Variants in XNDC1N observed in about 807,000 individuals in gnomAD.
XNDC1N encodes the protein XRCC1 N-terminal domain containing 1, N-terminal like, also known as protein XNDC1N.
the XNDC1N span, chr11:71,917,661 C>T: frequency 1.4e-5 from 10 of 703,298 alleles, no homozygotes; most frequent in African/African-American, 1.4e-4. Context: ...TCTTCCCCTG[C>T]TTTGAATCAG....
At chr11:71,886,523 C>T in the XNDC1N span, among the ~76,000 whole-genome samples, 7 of 151,986 alleles carry the variant, frequency 4.6e-5, no homozygotes, top group African/African-American at 1.4e-4. Flanking sequence ...AGGCCACAAA[C>T]GTTAACAAGC....
At chr11:71,898,016 CT>C in the XNDC1N span, among the ~76,000 whole-genome samples, 1 of 152,078 alleles carries the variant, frequency 6.6e-6, no homozygotes, top group Non-Finnish European at 1.5e-5. Flanking sequence ...AACCCTGTCT[CT>C]ACTGAAAATG....
chr11:71,898,028 C>A, the XNDC1N span, among the ~76,000 whole-genome samples: 1 of 152,054 alleles, frequency 6.6e-6, no homozygotes, highest in East Asian at 1.9e-4. Context: ...ACTGAAAATG[C>A]AAAAAATGAA....
the XNDC1N span, chr11:71,928,434 A>G: frequency 8.5e-6 from 6 of 701,952 alleles, no homozygotes; most frequent in South Asian, 7.4e-5. Context: ...TCTCCCGCCA[A>G]TTCGGCCTTC....
chr11:71,897,892 A>G, the XNDC1N span, among the ~76,000 whole-genome samples: 1 of 152,260 alleles, frequency 6.6e-6, no homozygotes, highest in African/African-American at 2.4e-5. Flanking sequence ...TTCAAAAGGC[A>G]GGCACTTCTG....
the XNDC1N span, among the ~76,000 whole-genome samples, chr11:71,920,076 G>A: frequency 4.3e-3 from 626 of 146,788 alleles, 3 homozygotes; most frequent in African/African-American, 0.015. Flanking sequence ...TCCTGCCTCA[G>A]CCTCCCGAAT....
At chr11:71,870,146 T>G in the XNDC1N span, among the ~76,000 whole-genome samples, 1 of 152,192 alleles carries the variant, frequency 6.6e-6, no homozygotes. Flanking sequence ...CATGATTAAG[T>G]TATCTCCTTC....
the XNDC1N span, among the ~76,000 whole-genome samples, chr11:71,898,173 G>A: frequency 1.3e-5 from 2 of 151,392 alleles, no homozygotes; most frequent in East Asian, 3.9e-4. Context: ...GACAGAGTGA[G>A]ACTCCATGAA....
At chr11:71,884,900 G>C in the XNDC1N span, among the ~76,000 whole-genome samples, 1 of 151,422 alleles carries the variant, frequency 6.6e-6, no homozygotes, top group Non-Finnish European at 1.5e-5. Context: ...GTAAGAGCCA[G>C]CCCTTCTTGC....
the XNDC1N span, among the ~76,000 whole-genome samples, chr11:71,880,058 G>A: frequency 6.6e-6 from 1 of 152,000 alleles, no homozygotes; most frequent in East Asian, 1.9e-4. Flanking sequence ...CATTCACGGA[G>A]GAAAAGTATA....
At chr11:71,898,252 G>T in the XNDC1N span, among the ~76,000 whole-genome samples, 1 of 151,622 alleles carries the variant, frequency 6.6e-6, no homozygotes, top group Non-Finnish European at 1.5e-5. Flanking sequence ...CACTTCTGAC[G>T]CAGGCCGCAA....
chr11:71,923,274 T>C, the XNDC1N span: 1 of 702,542 alleles, frequency 1.4e-6, no homozygotes, highest in East Asian at 2.7e-5. Flanking sequence ...CTTTCAGTTA[T>C]TAAGAAAACA....
At chr11:71,876,200 T>C in the XNDC1N span, among the ~76,000 whole-genome samples, 1 of 152,210 alleles carries the variant, frequency 6.6e-6, no homozygotes, top group Non-Finnish European at 1.5e-5. Flanking sequence ...TGGAGAGTTA[T>C]GTGCAATAAA....
chr11:71,910,903 AG>A, the XNDC1N span, among the ~76,000 whole-genome samples: 1 of 152,230 alleles, frequency 6.6e-6, no homozygotes, highest in African/African-American at 2.4e-5. Context: ...TCCCAACAAC[AG>A]CAAGGCTTTC....
the XNDC1N span, among the ~76,000 whole-genome samples, chr11:71,908,820 G>T: frequency 6.6e-6 from 1 of 152,182 alleles, no homozygotes; most frequent in Non-Finnish European, 1.5e-5. Context: ...AGAGGAACAT[G>T]CACCAGCTGA....
the XNDC1N span, among the ~76,000 whole-genome samples, chr11:71,908,167 T>C: frequency 2.6e-5 from 4 of 152,104 alleles, no homozygotes; most frequent in Non-Finnish European, 5.9e-5. Flanking sequence ...CATTTATTAT[T>C]AACATGAATA....
At chr11:71,927,267 T>C in the XNDC1N span, among the ~76,000 whole-genome samples, 1 of 151,232 alleles carries the variant, frequency 6.6e-6, no homozygotes, top group Non-Finnish European at 1.5e-5. Flanking sequence ...GGCACAGTGG[T>C]TCACACCTGT....
chr11:71,928,074 G>A, the XNDC1N span: 590 of 210,400 alleles, frequency 2.8e-3, 1 homozygote, highest in Non-Finnish European at 4.8e-3. Flanking sequence ...CGTAGGGGTG[G>A]GACAGTGAAT....
the XNDC1N span, among the ~76,000 whole-genome samples, chr11:71,885,256 G>T: frequency 6.6e-6 from 1 of 152,182 alleles, no homozygotes; most frequent in Middle Eastern, 3.4e-3. Flanking sequence ...AACAATATCA[G>T]TGGGGGTGTG....
Sources: gnomAD v4.1 joint callset for allele counts (sites outside exome capture counted in the v4.1 genomes callset) on GRCh38, gnomAD v4.1.1 for gene constraint, MANE v1.5 for transcripts, NCBI Gene and HGNC (gene_info 2026-07-23, HGNC 2026-07-21) for gene names.